CPXM2: variants seen among roughly 807,000 people sequenced by gnomAD.
CPXM2 encodes inactive carboxypeptidase-like protein X2.
In CPXM2, 66 loss-of-function variants were observed where a neutral mutation model predicts 86.1. The ratio of observed to expected loss-of-function variants is 0.77; its 90% CI spans 0.63 to 0.94. The LOEUF is 0.94. Ranked by LOEUF, CPXM2 falls within the 40% of genes least tolerant of loss-of-function variation. The pLI is 0.00. For missense variants in CPXM2, 948 were observed against 1,026.3 expected, an observed-to-expected ratio of 0.92 and a Z score of 1.04; for synonymous variants, 388 against 400.2, an observed-to-expected ratio of 0.97 and a Z score of 0.36.
intron 2 of CPXM2, 138 bp downstream of exon 2, chr10:123,880,073 C>G: frequency 5.0e-6 from 3 of 595,018 alleles, no homozygotes; most frequent in Middle Eastern, 4.6e-4. Flanking sequence ...CACCATGGAT[C>G]GGAATAGACA....
chr10:123,820,918 A>G (rs528090322), intron 4 of CPXM2, among the ~76,000 whole-genome samples: 2 of 152,192 alleles, frequency 1.3e-5, no homozygotes, highest in African/African-American at 2.4e-5. Flanking sequence ...CACATCTAAA[A>G]AGTCGCTTTT....
chr10:123,873,415 G>A (rs1278013440), intron 2 of CPXM2, among the ~76,000 whole-genome samples: 1 of 152,200 alleles, frequency 6.6e-6, no homozygotes, highest in African/African-American at 2.4e-5. Context: ...AGAAGTCAAT[G>A]TTGTAAATGT....
intron 4 of CPXM2, among the ~76,000 whole-genome samples, chr10:123,812,875 T>A (rs1028019243): frequency 5.9e-5 from 9 of 152,164 alleles, no homozygotes; most frequent in African/African-American, 2.2e-4. Flanking sequence ...ATGAAACCGG[T>A]CCCTGGTGCC....
intron 2 of CPXM2, among the ~76,000 whole-genome samples, chr10:123,911,488 G>A (rs899915216): frequency 6.6e-6 from 1 of 151,636 alleles, no homozygotes; most frequent in African/African-American, 2.4e-5. Context: ...GATTAGGTTG[G>A]TGCAAAAGTA....
At chr10:123,930,286 CTT>C (rs1945656714) in intron 2 of CPXM2, among the ~76,000 whole-genome samples, 1 of 152,238 alleles carries the variant, frequency 6.6e-6, no homozygotes, top group South Asian at 2.1e-4. Context: ...CAAAGTTACT[CTT>C]TGAGACTTTC....
chr10:123,879,006 T>G (rs28735910), intron 2 of CPXM2, among the ~76,000 whole-genome samples: 15 of 152,076 alleles, frequency 9.9e-5, no homozygotes, highest in Non-Finnish European at 1.8e-4. Flanking sequence ...CTGTGCAGAA[T>G]GCGCTCTCCC....
intron 12 of CPXM2, among the ~76,000 whole-genome samples, chr10:123,756,906 G>A (rs1346925456): frequency 6.6e-6 from 1 of 152,224 alleles, no homozygotes; most frequent in Non-Finnish European, 1.5e-5. Context: ...AGCCAGCGTA[G>A]ACTGAGACGA....
intron 13 of CPXM2, among the ~76,000 whole-genome samples, chr10:123,748,771 C>T (rs1367121812): frequency 3.9e-5 from 6 of 152,108 alleles, no homozygotes; most frequent in Admixed American, 2.0e-4. Flanking sequence ...ACTCGAGCCT[C>T]GCAGCAAAGT....
rs77447602 is a variant in CPXM2, at chr10:123,922,978, G to A, written n.174+16499C>T. Among the ~76,000 whole-genome samples, 14 of 152,288 alleles carry A rather than the reference G, an allele frequency of 9.2e-5. No individual in the cohort carries two copies. In the East Asian group the frequency reaches 2.7e-3, roughly 29 times the overall value. On this transcript the variant is annotated intron_variant and non_coding_transcript_variant, in intron 2 of 19. Transcript: ENST00000368854. ...GATTACTCACTGTGGAGCAGCTTGA[G>A]GCCGTCCCATGCAGTCTCCACCCTC...
intron 12 of CPXM2, 129 bp downstream of exon 12, chr10:123,757,084 G>C (rs1008937819): frequency 4.9e-6 from 4 of 815,984 alleles, no homozygotes; most frequent in South Asian, 4.8e-5. Context: ...GTGGCTCCTC[G>C]CAGCACTGTG....
chr10:123,903,104 C>T (rs777804342), intron 2 of CPXM2, among the ~76,000 whole-genome samples: 39 of 152,178 alleles, frequency 2.6e-4, no homozygotes, highest in Non-Finnish European at 4.6e-4. Flanking sequence ...GTCCTGTGTC[C>T]CTGTTCCCAG....
upstream of CPXM2, among the ~76,000 whole-genome samples, chr10:123,895,263 A>G (rs368844214): frequency 1.3e-5 from 2 of 151,544 alleles, no homozygotes; most frequent in East Asian, 3.9e-4. Context: ...AGCTGGGATT[A>G]CAGGTGCCTA....
chr10:123,913,880 C>T (rs1945511568), intron 2 of CPXM2: 1 of 405,214 alleles, frequency 2.5e-6, no homozygotes, highest in Non-Finnish European at 5.0e-6. Flanking sequence ...AGGAGGCACC[C>T]CCCTCCCAGG....
At position 123,754,066 on chromosome 10, in the gene CPXM2, A is replaced by G. The variant is rs1846141153; in HGVS notation, c.2017+597T>C. 6.6e-6 allele frequency among the ~76,000 whole-genome samples: 1 copy of G among 152,186 alleles called. No individual in the cohort carries two copies. On this transcript the variant is annotated intron_variant, in intron 13 of 13. Transcript: ENST00000241305. The surrounding 1 kb of genome is among the most constrained non-coding windows in gnomAD (Gnocchi z 4.0). ...ATAGGAGATGCCCACGTTTATTGTT[A>G]CTGTTATTCTTATCCTACCCTTCAC...
chr10:123,890,726 G>A (rs996795775), intron 1 of CPXM2, among the ~76,000 whole-genome samples: 4 of 152,210 alleles, frequency 2.6e-5, no homozygotes, highest in Admixed American at 2.6e-4. Context: ...ATGAGACTTG[G>A]ATGAAAGACG....
intron 4 of CPXM2, among the ~76,000 whole-genome samples, chr10:123,806,720 G>A (rs955303543): frequency 1.8e-4 from 27 of 152,120 alleles, no homozygotes; most frequent in African/African-American, 6.5e-4. Context: ...AGGGGAACAA[G>A]GCACATCTTA....
intron 2 of CPXM2, among the ~76,000 whole-genome samples, chr10:123,874,677 G>A (rs77448471): frequency 0.04 from 6,139 of 152,200 alleles, 170 homozygotes; most frequent in East Asian, 0.11. Context: ...TTTTATCACA[G>A]AAGCTTTGAG....
Position 123,746,510 on chromosome 10 carries a change from C to T in CPXM2, c.*254G>A. ...CTTCTCTCTCTGATTCCCAGGTTGGCTTGCTGAGTTCTCTCACTCCCATCA... is the reference window on the plus strand; with the variant it reads ...CTTCTCTCTCTGATTCCCAGGTTGGTTTGCTGAGTTCTCTCACTCCCATCA... On this transcript the variant is annotated 3_prime_UTR_variant, in exon 14 of 14. Transcript: ENST00000241305. 1.9e-6 allele frequency: 1 copy of T among 515,552 alleles called. No homozygotes were observed. Among genetic ancestry groups the T allele is most frequent in the South Asian group, 2.8e-5 (1 of 36,090 alleles). 31.9% of individuals were successfully genotyped at this position (515,552 alleles called of 1,614,324 possible).
At chr10:123,838,671 C>T (rs976498210) in intron 4 of CPXM2, among the ~76,000 whole-genome samples, 2 of 152,162 alleles carry the variant, frequency 1.3e-5, no homozygotes, top group African/African-American at 2.4e-5. Context: ...AAATGCAACA[C>T]GCTGTGAGAC....
Sources: gnomAD v4.1 joint callset for allele counts (sites outside exome capture counted in the v4.1 genomes callset) on GRCh38, gnomAD v4.1.1 for gene constraint, Gnocchi (gnomAD v3.1) non-coding constraint, MANE v1.5 for transcripts, NCBI Gene and HGNC (gene_info 2026-07-23, HGNC 2026-07-21) for gene names.